The following ATRN variants were observed in gnomAD, a reference collection of about 807,000 sequenced individuals.
The protein encoded by ATRN is attractin-2.
In ATRN, 54 loss-of-function variants were observed where a neutral mutation model predicts 178.7. The observed-to-expected ratio is 0.30, with a 90% CI of 0.24 to 0.38. The LOEUF is 0.38. Among genes scored for constraint, ATRN ranks in the 10% least tolerant of loss-of-function variants. The probability of loss-of-function intolerance (pLI) is 1.00; values close to 1 mark genes in which losing one functional copy is unlikely to be tolerated. For missense variants in ATRN, 1,443 were observed against 1,815.1 expected (o/e 0.79, Z 3.73); for synonymous variants, 636 against 663.0 (o/e 0.96, Z 0.63).
intron 18 of ATRN, among the ~76,000 whole-genome samples, chr20:3,585,431 TAAAG>T (rs1164408572): frequency 1.3e-5 from 2 of 152,256 alleles, no homozygotes; most frequent in East Asian, 1.9e-4. Flanking sequence ...TTATTGGAGA[TAAAG>T]AAGCCATTCT....
chr20:3,531,980 A>G (rs2034672594), intron 1 of ATRN, among the ~76,000 whole-genome samples: 1 of 152,310 alleles, frequency 6.6e-6, no homozygotes, highest in East Asian at 1.9e-4. Flanking sequence ...ATTAAAATAA[A>G]TTAGCTAGGC....
At chr20:3,596,299 A>G in intron 20 of ATRN, 78 bp from the exon 21 acceptor site, 1 of 1,393,450 alleles carries the variant, frequency 7.2e-7, no homozygotes, top group African/African-American at 1.4e-5. Flanking sequence ...ACTTTATATA[A>G]AAGGATCTGT....
intron 1 of ATRN, among the ~76,000 whole-genome samples, chr20:3,472,620 C>T (rs1041044592): frequency 7.2e-5 from 11 of 152,114 alleles, no homozygotes; most frequent in Non-Finnish European, 1.6e-4. Context: ...GAATTATAAC[C>T]GGTGGTGACT....
intron 18 of ATRN, among the ~76,000 whole-genome samples, chr20:3,590,149 C>T (rs78203011): frequency 6.6e-6 from 1 of 152,192 alleles, no homozygotes. Context: ...CAGGGTTTCA[C>T]TGTGTTGGCC....
intron 24 of ATRN, among the ~76,000 whole-genome samples, chr20:3,619,003 T>C (rs918796945): frequency 6.6e-6 from 1 of 152,138 alleles, no homozygotes; most frequent in Non-Finnish European, 1.5e-5. Flanking sequence ...TCAAGGAGAA[T>C]AGAGGAGCAC....
chr20:3,576,699 A>G (rs62206469), intron 13 of ATRN, among the ~76,000 whole-genome samples, 160 bp from the exon 14 acceptor site: 1,365 of 14,944 alleles, frequency 0.091, 11 homozygotes, highest in East Asian at 0.35. Context: ...CTGTCTGTCT[A>G]TCTATCTATC....
chr20:3,548,245 A>G (rs534197079), intron 5 of ATRN, among the ~76,000 whole-genome samples: 1 of 152,290 alleles, frequency 6.6e-6, no homozygotes, highest in East Asian at 1.9e-4. Context: ...CATATCCACA[A>G]GTTCTGCATC....
rs764346194 is a variant in ATRN at position 3,565,437 on chromosome 20, T to C, written c.1871+5T>C. 1.2e-6 allele frequency: 2 copies of C among 1,608,272 alleles called. No individual in the cohort carries two copies. The highest frequency in any genetic ancestry group is 1.7e-5 in the Admixed American group (1 of 60,000). On this transcript the variant is annotated splice_donor_5th_base_variant and intron_variant, in intron 11 of 28. Transcript: ENST00000262919. The stretch of plus-strand genomic sequence containing the variant: ...TTCAGCAGTCTTACACAACAGGTAA[T>C]TGGAGAAGTGATTGCTCCTTTTCTT...
intron 1 of ATRN, among the ~76,000 whole-genome samples, chr20:3,480,297 C>G (rs1456931394): frequency 6.6e-6 from 1 of 152,114 alleles, no homozygotes; most frequent in Non-Finnish European, 1.5e-5. Context: ...GTCGGAGATC[C>G]CTTTCCTCTG....
chr20:3,594,824 T>C (rs1178531266), intron 20 of ATRN, among the ~76,000 whole-genome samples: 1 of 152,222 alleles, frequency 6.6e-6, no homozygotes, highest in Admixed American at 6.5e-5. Context: ...ATACTGACAT[T>C]TCCTGGGTTG....
chr20:3,644,908 A>G (rs1255920901), intron 28 of ATRN, among the ~76,000 whole-genome samples: 3 of 152,178 alleles, frequency 2.0e-5, no homozygotes, highest in Admixed American at 2.0e-4. Context: ...AAATGATTGT[A>G]TAGATCTAAT....
chr20:3,488,001 A>G (rs1045167232), intron 1 of ATRN, among the ~76,000 whole-genome samples: 3 of 152,054 alleles, frequency 2.0e-5, no homozygotes, highest in Non-Finnish European at 4.4e-5. Context: ...GAGCATTTAG[A>G]TCCAGATTAT....
intron 1 of ATRN, among the ~76,000 whole-genome samples, chr20:3,472,396 G>T (rs2084443927): frequency 6.6e-6 from 1 of 152,172 alleles, no homozygotes; most frequent in African/African-American, 2.4e-5. Flanking sequence ...AGTCATTCAC[G>T]CCTTTGACAG....
chr20:3,512,296 C>T (rs1433715924), intron 1 of ATRN, among the ~76,000 whole-genome samples: 2 of 144,718 alleles, frequency 1.4e-5, no homozygotes, highest in Non-Finnish European at 3.0e-5. Context: ...TGTGATGTTC[C>T]CCTTCCTGTG....
At chr20:3,626,484 T>C (rs891658442) in intron 25 of ATRN, among the ~76,000 whole-genome samples, 14 of 152,192 alleles carry the variant, frequency 9.2e-5, no homozygotes, top group African/African-American at 1.4e-4. Context: ...TATCACAAAT[T>C]GAACACTTCT....
Position 3,578,652 on chromosome 20 carries a change from T to C in ATRN, c.2424T>C (p.Asn808=). 2 of 1,614,068 alleles carry C rather than the reference T, an allele frequency of 1.2e-6. No individual in the cohort carries two copies. The highest frequency in any genetic ancestry group is 1.7e-6 in the Non-Finnish European group (2 of 1,179,924). The change falls in exon 15 of 29, where the codon AAT becomes AAC. Residue 808 remains asparagine (N), a synonymous_variant. Coordinates refer to ENST00000262919, the MANE Select transcript of ATRN (RefSeq NM_139321.3). ...TGAAAATTACTACTGCCAAGGAGAA[T>C]TATGACAATGCTAAATTGTTCTGTA... ...SCLKITTAKE[N]YDNAKLFCRN...
At chr20:3,559,221 T>C (rs1201003615) in intron 6 of ATRN, among the ~76,000 whole-genome samples, 172 bp from the exon 7 acceptor site, 3 of 152,328 alleles carry the variant, frequency 2.0e-5, no homozygotes, top group East Asian at 3.9e-4. Flanking sequence ...TCCTGAGTTA[T>C]CACTTGTCCA....
At position 3,505,748 on chromosome 20, in the gene ATRN, ATAATG is replaced by A. The variant is rs141880204; in HGVS notation, c.411-29502_411-29498del. ...TTATAGAAAAGTCACTTCAAATTGA[ATAATG>A]TAGGTAGATAGAAAAGGATACTAAA... On this transcript the variant is annotated intron_variant, in intron 1 of 28. Transcript: ENST00000262919. Among the ~76,000 whole-genome samples, 607 of 152,340 alleles carry A rather than the reference ATAATG, an allele frequency of 4.0e-3. 6 individuals are homozygous for A. The highest frequency in any genetic ancestry group is 0.014 in the African/African-American group (585 of 41,560).
At chr20:3,560,105 G>A (rs1568729576) in intron 7 of ATRN, among the ~76,000 whole-genome samples, 1 of 151,780 alleles carries the variant, frequency 6.6e-6, no homozygotes, top group Non-Finnish European at 1.5e-5. Context: ...GTACAGTTTG[G>A]TGGTAATAAA....
Sources: gnomAD v4.1 joint callset for allele counts (sites outside exome capture counted in the v4.1 genomes callset) on GRCh38, gnomAD v4.1.1 for gene constraint, MANE v1.5 for transcripts, NCBI Gene and HGNC (gene_info 2026-07-23, HGNC 2026-07-21) for gene names.